RTP4: variants seen among roughly 807,000 people sequenced by gnomAD.
The protein encoded by RTP4 is receptor transporter protein 4.
In RTP4, 5 loss-of-function variants were observed where a neutral mutation model predicts 6.5. That is an observed-to-expected ratio of 0.77 (90% CI 0.40 to 1.62). The LOEUF (loss-of-function observed/expected upper bound fraction) is 1.62. RTP4 is among the 40% of genes most tolerant of loss of function. The probability of loss-of-function intolerance (pLI) is 0.02; values close to 1 mark genes in which losing one functional copy is unlikely to be tolerated. For synonymous variants in RTP4, 112 were observed against 114.8 expected (o/e 0.98, Z 0.15); for missense variants, 266 against 288.7 (o/e 0.92, Z 0.57).
At chr3:187,368,670 T>G in intron 1 of RTP4, 74 bp downstream of exon 1, 1 of 1,401,294 alleles carries the variant, frequency 7.1e-7, no homozygotes, top group Non-Finnish European at 9.6e-7. Flanking sequence ...GATTTATTCC[T>G]CTGAGAGCTT....
Position 187,371,232 on chromosome 3 carries a change from G to C in RTP4, c.600G>C (p.Lys200Asn). The C allele has an allele frequency of 3.7e-6, 6 of 1,613,890 alleles. No homozygotes were observed. Among genetic ancestry groups the C allele is most frequent in the Non-Finnish European group, 4.2e-6 (5 of 1,180,042 alleles). The change falls in exon 2 of 2, where the codon AAG becomes AAC. Residue 200 changes from lysine to asparagine, a missense_variant. Physicochemically the swap from Lys to Asn is moderately conservative, Grantham distance 94. Transcript: ENST00000259030. ...CTGTGTACCTCGCAAACCAAGCCAA[G>C]AACCAGTCAGCTGAGGCAAAAGAGG... ...IGAVYLANQA[K>N]NQSAEAKEAK...
chr3:187,370,827 C>T lies in RTP4; in HGVS notation c.195C>T (p.Ala65=). 6.2e-7 allele frequency: 1 copy of T among 1,613,872 alleles called. No homozygotes were observed. Among genetic ancestry groups the T allele is most frequent in the South Asian group, 1.1e-5 (1 of 91,080 alleles). ...CSSCQRSWAS[A]QVQILCHTYW... is the part of the protein sequence containing the mutation. ...CCTGCCAGCGAAGTTGGGCTTCCGCCCAAGTGCAGATTCTGTGCCACACGT... is the reference window on the plus strand; with the variant it reads ...CCTGCCAGCGAAGTTGGGCTTCCGCTCAAGTGCAGATTCTGTGCCACACGT... The change falls in exon 2 of 2, where the codon GCC becomes GCT. Residue 65 remains alanine (A), a synonymous_variant. Coordinates refer to ENST00000259030, the MANE Select transcript of RTP4 (RefSeq NM_022147.3).
rs766931331 is a variant in RTP4, at chr3:187,371,332, C to T, written c.700C>T (p.Leu234=). ...ACTGAACATCTGTGTCTTTATTTTG[C>T]TGCTTGTATTTATTGTAGTCAAATG... ...DPLNICVFIL[L]LVFIVVKCFT... The change falls in exon 2 of 2, where the codon CTG becomes TTG. Residue 234 remains leucine (L), a synonymous_variant. Transcript: ENST00000259030. 1.2e-6 allele frequency: 2 copies of T among 1,600,846 alleles called. No homozygotes were observed.
intron 1 of RTP4, among the ~76,000 whole-genome samples, chr3:187,369,394 G>A (rs1711560362): frequency 6.6e-6 from 1 of 151,970 alleles, no homozygotes; most frequent in Admixed American, 6.6e-5. Flanking sequence ...TATTAGCTAT[G>A]CCATGCATCT....
chr3:187,368,685 A>C, intron 1 of RTP4, 89 bp downstream of exon 1: 2 of 1,311,668 alleles, frequency 1.5e-6, no homozygotes, highest in South Asian at 3.1e-5. Context: ...GAGCTTGTTG[A>C]AGGAGTAAAT....
At chr3:187,369,298 C>T (rs903434986) in intron 1 of RTP4, among the ~76,000 whole-genome samples, 2 of 152,162 alleles carry the variant, frequency 1.3e-5, no homozygotes, top group African/African-American at 4.8e-5. Context: ...ACAGGACCTT[C>T]GGTATAGTTT....
intron 1 of RTP4, among the ~76,000 whole-genome samples, chr3:187,369,874 GAGGGACTC>G (rs1711575913): frequency 6.6e-6 from 1 of 152,128 alleles, no homozygotes; most frequent in Non-Finnish European, 1.5e-5. Flanking sequence ...AGAGCTTTTT[GAGGGACTC>G]ATGATGTCTT....
Position 187,371,404 on chromosome 3 carries a change from T to C in RTP4, c.*31T>C, listed in dbSNP as rs1711613766. ...ATAGGCTTGCCACTTTCTCTTATTT[T>C]AATTCCATGGTAGTCAATGAACTGG... On this transcript the variant is annotated 3_prime_UTR_variant, in exon 2 of 2. Transcript: ENST00000259030. The C allele has an allele frequency of 1.3e-6, 2 of 1,495,278 alleles. No homozygotes were observed. Among genetic ancestry groups the C allele is most frequent in the Non-Finnish European group, 1.8e-6 (2 of 1,102,046 alleles). 92.6% of individuals were successfully genotyped at this position (1,495,278 alleles called of 1,614,324 possible).
rs773999947 is a variant in RTP4, at chr3:187,370,863, C to T, written c.231C>T (p.His77=). ...VQILCHTYWE[H]WTSQGQVRMR... ...TTCTGTGCCACACGTACTGGGAGCA[C>T]TGGACATCCCAGGGTCAGGTGCGTA... is the stretch of plus-strand genomic sequence containing the variant. The change falls in exon 2 of 2, where the codon CAC becomes CAT. Residue 77 remains histidine, a synonymous_variant. Transcript: ENST00000259030. 1 of 1,614,124 alleles carries T rather than the reference C, an allele frequency of 6.2e-7. No homozygotes were observed. The highest frequency in any genetic ancestry group is 8.5e-7 in the Non-Finnish European group (1 of 1,180,032).
chr3:187,368,457 T>C lies in RTP4; in HGVS notation c.16T>C (p.Trp6Arg), dbSNP rs1711538875. The change falls in exon 1 of 2, where the codon TGG (tryptophan) becomes CGG (arginine). Residue 6 changes from tryptophan (W) to arginine (R), a missense_variant. Transcript: ENST00000259030. MVVDF[W>R]TWEQTFQELI... is the part of the protein sequence containing the mutation. ...GAGGGAAAAAATGGTTGTAGATTTC[T>C]GGACTTGGGAGCAGACATTTCAAGA... 1 of 1,612,190 alleles carries C rather than the reference T, an allele frequency of 6.2e-7. No individual in the cohort carries two copies.
rs542719982 is a variant in RTP4, at chr3:187,371,726, G to A, written c.*353G>A. On this transcript the variant is annotated 3_prime_UTR_variant, in exon 2 of 2. Transcript: ENST00000259030. ...TGTAAACATGTTACTTTACATGGTA[G>A]AATGGACTTTGCGGATGTAATTAAG... 4.9e-4 allele frequency: 106 copies of A among 216,584 alleles called. No homozygotes were observed. In the South Asian group the frequency reaches 9.7e-3, roughly 20 times the overall value. 13.4% of individuals were successfully genotyped at this position (216,584 alleles called of 1,614,324 possible).
intron 1 of RTP4, among the ~76,000 whole-genome samples, chr3:187,369,761 C>T (rs895050076): frequency 6.6e-6 from 1 of 152,084 alleles, no homozygotes; most frequent in Non-Finnish European, 1.5e-5. Flanking sequence ...TCCTAAACGT[C>T]TCCAGAACAG....
Position 187,370,471 on chromosome 3 carries a change from G to A in RTP4, c.156-317G>A, listed in dbSNP as rs111941701. On this transcript the variant is annotated intron_variant, in intron 1 of 1. Transcript: ENST00000259030. ...GCATCAAAATAGATACTTTACCAAA[G>A]CTTTCTATGACCAAAATTAGGAATA... 6.8e-3 allele frequency among the ~76,000 whole-genome samples: 1,036 copies of A among 152,254 alleles called. 10 individuals are homozygous for A. Among genetic ancestry groups the A allele is most frequent in the Non-Finnish European group, 6.5e-3 (445 of 68,012 alleles).
Position 187,368,615 on chromosome 3 carries a change from G to C in RTP4, c.155+19G>C, listed in dbSNP as rs369039473. 1 of 1,597,550 alleles carries C rather than the reference G, an allele frequency of 6.3e-7. No individual in the cohort carries two copies. Among genetic ancestry groups the C allele is most frequent in the African/African-American group, 1.3e-5 (1 of 74,350 alleles). ...TTGGCTGGTGAGTGTGGGTTTCCCA[G>C]GCAATAGCTCTTCTGAGAAGAGAGG... On this transcript the variant is annotated intron_variant, in intron 1 of 1. Transcript: ENST00000259030.
At position 187,371,154 on chromosome 3, in the gene RTP4, C is replaced by G. The variant is rs372777043; in HGVS notation, c.522C>G (p.Ser174=). Residue 174 remains serine, a synonymous_variant, in exon 2 of 2, where the codon TCC becomes TCG. Coordinates refer to ENST00000259030, the MANE Select transcript of RTP4 (RefSeq NM_022147.3). The part of the protein sequence containing the change: ...QGLKSCMTKP[S]KSLLPHLKTG... ...TAAAAAGCTGCATGACAAAGCCGTCCAAATCCCTACTCCCCCACCTAAAGA... is the reference window on the plus strand; with the variant it reads ...TAAAAAGCTGCATGACAAAGCCGTCGAAATCCCTACTCCCCCACCTAAAGA... 3.7e-6 allele frequency: 6 copies of G among 1,613,988 alleles called. No individual in the cohort carries two copies. In the African/African-American group the frequency reaches 8.0e-5, roughly 22 times the overall value.
chr3:187,370,842 G>C lies in RTP4; in HGVS notation c.210G>C (p.Leu70=), dbSNP rs1711593245. The C allele has an allele frequency of 1.2e-6, 2 of 1,614,114 alleles. No individual in the cohort carries two copies. Among genetic ancestry groups the C allele is most frequent in the Non-Finnish European group, 8.5e-7 (1 of 1,180,032 alleles). Residue 70 remains leucine (L), a synonymous_variant, in exon 2 of 2, where the codon CTG becomes CTC. Transcript: ENST00000259030. ...RSWASAQVQI[L]CHTYWEHWTS... ...GGGCTTCCGCCCAAGTGCAGATTCT[G>C]TGCCACACGTACTGGGAGCACTGGA...
Position 187,371,224 on chromosome 3 carries a change from C to A in RTP4, c.592C>A (p.Gln198Lys), listed in dbSNP as rs569524381. Residue 198 changes from glutamine (Q) to lysine (K), a missense_variant, in exon 2 of 2, where the codon CAA (glutamine) becomes AAA (lysine). By Grantham distance (53) the Gln-to-Lys change is moderately conservative. Coordinates refer to ENST00000259030, the MANE Select transcript of RTP4 (RefSeq NM_022147.3). The stretch of plus-strand genomic sequence containing the variant: ...AATTGGTGCTGTGTACCTCGCAAAC[C>A]AAGCCAAGAACCAGTCAGCTGAGGC... ...PGIGAVYLAN[Q>K]AKNQSAEAKE... 6.2e-6 allele frequency: 10 copies of A among 1,613,956 alleles called. No individual in the cohort carries two copies. The highest frequency in any genetic ancestry group is 8.5e-6 in the Non-Finnish European group (10 of 1,180,020).
chr3:187,368,549 C>T lies in RTP4; in HGVS notation c.108C>T (p.Asp36=), dbSNP rs1711539892. 1 of 1,614,152 alleles carries T rather than the reference C, an allele frequency of 6.2e-7. No individual in the cohort carries two copies. Among genetic ancestry groups the T allele is most frequent in the African/African-American group, 1.3e-5 (1 of 75,054 alleles). The change falls in exon 1 of 2, where the codon GAC becomes GAT. Residue 36 remains aspartate, a synonymous_variant. Transcript: ENST00000259030. ...TLKLDGNLQL[D]CLAQGWKQYQ... is the part of the protein sequence containing the mutation. ...AGTTGGATGGCAACCTTCAGCTAGA[C>T]TGCCTGGCTCAAGGGTGGAAGCAAT...
At chr3:187,369,723 C>A (rs1191713784) in intron 1 of RTP4, among the ~76,000 whole-genome samples, 1 of 151,660 alleles carries the variant, frequency 6.6e-6, no homozygotes, top group Non-Finnish European at 1.5e-5. Context: ...TTATTTTTAG[C>A]TGCAGAATCT....
Sources: gnomAD v4.1 joint callset for allele counts (sites outside exome capture counted in the v4.1 genomes callset) on GRCh38, gnomAD v4.1.1 for gene constraint, MANE v1.5 for transcripts, NCBI Gene and HGNC (gene_info 2026-07-23, HGNC 2026-07-21) for gene names.